The following DGKH variants were observed in gnomAD, a reference collection of about 807,000 sequenced individuals.
DGKH encodes DAG kinase eta.
DGKH carries 90 observed loss-of-function variants against 159.3 expected under a neutral mutation model. That is an observed-to-expected ratio of 0.57 (90% CI 0.48 to 0.67). The LOEUF (loss-of-function observed/expected upper bound fraction) is 0.67, where lower values mean the gene tolerates loss of function less well. Ranked by LOEUF, DGKH falls within the 30% of genes least tolerant of loss-of-function variation. The pLI, the probability that DGKH is intolerant of heterozygous loss-of-function variation, is 0.00. For synonymous variants in DGKH, 536 were observed against 553.8 expected, an observed-to-expected ratio of 0.97 and a Z score of 0.45; for missense variants, 1,181 against 1,506.1, an observed-to-expected ratio of 0.78 and a Z score of 3.57.
intron 1 of DGKH, among the ~76,000 whole-genome samples, chr13:42,106,870 G>A (rs1202227564): frequency 4.4e-5 from 5 of 112,512 alleles, no homozygotes; most frequent in East Asian, 2.2e-4. Context: ...GTGAAACCCC[G>A]TCTCTACTAA....
chr13:42,134,437 G>T (rs1955358326), intron 3 of DGKH, among the ~76,000 whole-genome samples: 1 of 152,096 alleles, frequency 6.6e-6, no homozygotes, highest in Non-Finnish European at 1.5e-5. Context: ...AATTGCCTCA[G>T]GTATTCTATT....
At chr13:42,074,113 A>G (rs2063835092) in intron 1 of DGKH, among the ~76,000 whole-genome samples, 1 of 152,352 alleles carries the variant, frequency 6.6e-6, no homozygotes, top group South Asian at 2.1e-4. Context: ...TTAAATATAT[A>G]TAAAATTAGA....
At chr13:42,133,456 G>C (rs1955333840) in intron 3 of DGKH, among the ~76,000 whole-genome samples, 1 of 152,126 alleles carries the variant, frequency 6.6e-6, no homozygotes, top group Non-Finnish European at 1.5e-5. Flanking sequence ...CATTTTGGGA[G>C]GCTGGTGGTA....
intron 1 of DGKH, among the ~76,000 whole-genome samples, chr13:42,102,527 G>T (rs1345341581): frequency 6.6e-6 from 1 of 152,232 alleles, no homozygotes; most frequent in Non-Finnish European, 1.5e-5. Flanking sequence ...CCTGGGAGCT[G>T]CAGAAGGCTC....
intron 12 of DGKH, among the ~76,000 whole-genome samples, chr13:42,175,259 T>C (rs1447093888): frequency 1.3e-5 from 2 of 152,140 alleles, no homozygotes; most frequent in Admixed American, 6.5e-5. Flanking sequence ...TTTTCTGACA[T>C]AAAAACTGCT....
chr13:42,235,818 G>C lies in DGKH; in HGVS notation c.*6630G>C, dbSNP rs762150549. On this transcript the variant is annotated 3_prime_UTR_variant, in exon 30 of 30. Transcript: ENST00000337343. ...TAATTATTTTCAAATCTTCAAGTAA[G>C]TTGTATCGAATGTTTTTCTTCCTCT... 2 of 152,096 alleles carry C rather than the reference G, an allele frequency of 1.3e-5. No individual in the cohort carries two copies. Among genetic ancestry groups the C allele is most frequent in the Non-Finnish European group, 2.9e-5 (2 of 68,002 alleles). The allele number at this position is 152,096 out of a possible 1,614,324, so 9.4% of individuals were successfully genotyped here. A position where few individuals can be genotyped will look rare whatever the true frequency, so the allele number is the denominator to read the frequency against.
At chr13:42,065,309 C>T (rs1221010815) in intron 1 of DGKH, among the ~76,000 whole-genome samples, 1 of 152,136 alleles carries the variant, frequency 6.6e-6, no homozygotes, top group East Asian at 1.9e-4. Flanking sequence ...ATAGATCTAG[C>T]TAAGATTCCA....
intron 21 of DGKH, 81 bp downstream of exon 21, chr13:42,206,227 G>A: frequency 1.2e-6 from 1 of 805,834 alleles, no homozygotes; most frequent in Non-Finnish European, 1.8e-6. Context: ...ATGGGCTGTT[G>A]AATAGTAGTT....
intron 3 of DGKH, among the ~76,000 whole-genome samples, chr13:42,132,003 C>T (rs1206056781): frequency 6.6e-6 from 1 of 152,192 alleles, no homozygotes; most frequent in Non-Finnish European, 1.5e-5. Flanking sequence ...ATAGAAAGAA[C>T]TTCACCAGTC....
In DGKH at chr13:42,219,309, T is replaced by C; in HGVS notation, c.3293T>C (p.Ile1098Thr). The change falls in exon 27 of 30, where the codon ATT (isoleucine) becomes ACT (threonine). Residue 1098 changes from isoleucine to threonine, a missense_variant. Coordinates refer to ENST00000337343, the MANE Select transcript of DGKH (RefSeq NM_178009.5). The stretch of plus-strand genomic sequence containing the variant: ...GTGGAATTACAGAAACTGACAGAGA[T>C]TCCTTGGCTTTATTATATCTTACAC... Reference protein sequence around the residue: ...VEVELQKLTEIPWLYYILHPN... With the variant: ...VEVELQKLTETPWLYYILHPN... 6.2e-7 allele frequency: 1 copy of C among 1,613,980 alleles called. No homozygotes were observed. The highest frequency in any genetic ancestry group is 8.5e-7 in the Non-Finnish European group (1 of 1,179,896).
chr13:42,208,837 A>G (rs1957568891), intron 21 of DGKH, 122 bp from the exon 22 acceptor site: 2 of 299,520 alleles, frequency 6.7e-6, no homozygotes, highest in East Asian at 1.6e-4. Flanking sequence ...TTTCCTAATA[A>G]TATTTACTTA....
downstream of DGKH, among the ~76,000 whole-genome samples, chr13:42,246,842 T>C (rs1272428200): frequency 1.3e-5 from 2 of 152,202 alleles, no homozygotes; most frequent in African/African-American, 4.8e-5. Context: ...AAGCTTTTTT[T>C]GACTGCTCCC....
intron 1 of DGKH, among the ~76,000 whole-genome samples, chr13:42,102,526 T>G (rs1954671100): frequency 2.0e-5 from 3 of 152,224 alleles, no homozygotes; most frequent in Non-Finnish European, 4.4e-5. Context: ...CCCTGGGAGC[T>G]GCAGAAGGCT....
chr13:42,209,289 CT>C, intron 22 of DGKH, 41 bp from the exon 23 acceptor site: 1 of 1,583,938 alleles, frequency 6.3e-7, no homozygotes, highest in Non-Finnish European at 8.6e-7. Flanking sequence ...GTGTCATTTT[CT>C]CTGGATGATT....
Position 42,145,065 on chromosome 13 carries a change from G to T in DGKH, c.385-10226G>T, listed in dbSNP as rs141195381. Reference sequence around the variant, plus strand: ...GGATTAGCAATTTTGATTCCCCTTTGCATTTTATTCTTACGTAAGGATTTA... The same window carrying T: ...GGATTAGCAATTTTGATTCCCCTTTTCATTTTATTCTTACGTAAGGATTTA... On this transcript the variant is annotated intron_variant, in intron 3 of 29. Coordinates refer to ENST00000337343, the MANE Select transcript of DGKH (RefSeq NM_178009.5). Among the ~76,000 whole-genome samples the T allele has an allele frequency of 6.4e-3, 977 of 152,250 alleles. 12 individuals carry two copies. Among genetic ancestry groups the T allele is most frequent in the African/African-American group, 0.023 (937 of 41,538 alleles).
chr13:42,083,613 A>AACTGGGCTTCGGGTTGG (rs1954250644), intron 1 of DGKH, among the ~76,000 whole-genome samples: 1 of 152,108 alleles, frequency 6.6e-6, no homozygotes, highest in Non-Finnish European at 1.5e-5. Flanking sequence ...ATGCGGGCTG[A>AACTGGGCTTCGGGTTGG]ACTGGGCTTC....
intron 1 of DGKH, among the ~76,000 whole-genome samples, chr13:42,095,061 C>T (rs988613024): frequency 1.3e-5 from 2 of 151,388 alleles, no homozygotes; most frequent in African/African-American, 2.4e-5. Flanking sequence ...CCTCCTGAGA[C>T]GCTTTCCTGC....
At chr13:42,211,164 G>A (rs1312697274) in intron 24 of DGKH, among the ~76,000 whole-genome samples, 1 of 152,168 alleles carries the variant, frequency 6.6e-6, no homozygotes, top group East Asian at 1.9e-4. Context: ...AAGCCTATGA[G>A]TGTTAAACAA....
rs1882495547 is a variant in DGKH at position 42,065,493 on chromosome 13, C to G, written c.192+16528C>G. ...AACACCCTAGCCTGTTGGATCAACT[C>G]CTTCATTGTCATTTGCTATGGAACA... is the stretch of plus-strand genomic sequence containing the variant. On this transcript the variant is annotated intron_variant, in intron 1 of 29. Transcript: ENST00000337343. 2.0e-5 allele frequency among the ~76,000 whole-genome samples: 3 copies of G among 152,188 alleles called. No individual in the cohort carries two copies. In the South Asian group the frequency reaches 6.2e-4, roughly 32 times the overall value.
Sources: gnomAD v4.1 joint callset for allele counts (sites outside exome capture counted in the v4.1 genomes callset) on GRCh38, gnomAD v4.1.1 for gene constraint, MANE v1.5 for transcripts, NCBI Gene and HGNC (gene_info 2026-07-23, HGNC 2026-07-21) for gene names.